Variants in TTC34 observed in about 807,000 individuals in gnomAD.
The protein encoded by TTC34 is tetratricopeptide repeat domain 34.
A neutral mutation model predicts 40.7 loss-of-function variants in TTC34; 44 were observed. The ratio of observed to expected loss-of-function variants is 1.08; its 90% CI spans 0.85 to 1.39. The LOEUF (loss-of-function observed/expected upper bound fraction) is 1.39. Ranked by LOEUF, TTC34 falls within the 40% of genes most tolerant of loss-of-function variation. TTC34 has a pLI of 0.00. For missense variants in TTC34, 884 were observed against 838.0 expected, an observed-to-expected ratio of 1.05 and a Z score of -0.68; for synonymous variants, 422 against 398.6, an observed-to-expected ratio of 1.06 and a Z score of -0.70.
intron 6 of TTC34, among the ~76,000 whole-genome samples, chr1:2,700,424 C>G (rs533526259): frequency 9.3e-6 from 1 of 107,108 alleles, no homozygotes; most frequent in South Asian, 3.0e-4. Flanking sequence ...CCTAGGCGAG[C>G]ATCCGACAGC....
chr1:2,695,116 C>A (rs958925139), intron 6 of TTC34, among the ~76,000 whole-genome samples: 67 of 90,832 alleles, frequency 7.4e-4, no homozygotes, highest in Non-Finnish European at 1.0e-3. Context: ...ACCCATACGC[C>A]AAGATGAGCA....
chr1:2,686,650 G>A (rs1306496279), intron 6 of TTC34, among the ~76,000 whole-genome samples: 2 of 151,630 alleles, frequency 1.3e-5, no homozygotes. Context: ...ACACCCAGGT[G>A]AGCATCTGAC....
chr1:2,651,420 G>A (rs543299674), intron 6 of TTC34, among the ~76,000 whole-genome samples: 7 of 151,668 alleles, frequency 4.6e-5, no homozygotes, highest in Non-Finnish European at 7.4e-5. Context: ...GTGACAATCC[G>A]AAACACAACC....
chr1:2,690,017 AC>A (rs1401341098), intron 6 of TTC34, among the ~76,000 whole-genome samples: 4 of 134,334 alleles, frequency 3.0e-5, no homozygotes, highest in Non-Finnish European at 4.7e-5. Context: ...AGCAGCCTGC[AC>A]CCCCAGGTGC....
intron 6 of TTC34, among the ~76,000 whole-genome samples, chr1:2,760,965 C>T (rs1641669010): frequency 1.5e-4 from 10 of 66,328 alleles, no homozygotes; most frequent in South Asian, 8.1e-4. Flanking sequence ...CGTCCACACC[C>T]CCAGGTGAGC....
intron 6 of TTC34, among the ~76,000 whole-genome samples, chr1:2,675,450 GAGCA>G (rs1639872525): frequency 8.9e-6 from 1 of 112,550 alleles, no homozygotes; most frequent in Non-Finnish European, 2.1e-5. Context: ...ACCCACAGGT[GAGCA>G]TCTGACAGCA....
At position 2,641,718 on chromosome 1, in the gene TTC34, G is replaced by T. The variant is rs1020030936; in HGVS notation, c.2890C>A (p.Leu964Ile). The T allele has an allele frequency of 7.2e-6, 11 of 1,535,538 alleles. No homozygotes were observed. The highest frequency in any genetic ancestry group is 9.6e-6 in the Non-Finnish European group (11 of 1,146,704). Reference sequence around the variant, plus strand: ...TCACCATCCCCCAGCGCCTCCTGGAGCACATGGTCCAGGTCCCTAAGGGCC... The same window carrying T: ...TCACCATCCCCCAGCGCCTCCTGGATCACATGGTCCAGGTCCCTAAGGGCC... The change falls in exon 9 of 9, where the codon CTC becomes ATC. Residue 964 changes from leucine (L) to isoleucine (I), a missense_variant. Leu to Ile is a conservative substitution (Grantham distance 5). Transcript: ENST00000401095.
chr1:2,799,405 T>C (rs1204786814), intron 2 of TTC34, among the ~76,000 whole-genome samples: 1 of 152,108 alleles, frequency 6.6e-6, no homozygotes, highest in Non-Finnish European at 1.5e-5. Context: ...TAGCCAGGCA[T>C]GATGGTGGGT....
chr1:2,768,756 A>G (rs1569750728), intron 6 of TTC34, among the ~76,000 whole-genome samples: 1 of 134,464 alleles, frequency 7.4e-6, no homozygotes, highest in Non-Finnish European at 1.6e-5. Context: ...TGAGCATCTG[A>G]CAGCCTGGAA....
At chr1:2,777,688 TGG>T (rs70956335) in intron 6 of TTC34, among the ~76,000 whole-genome samples, 7,066 of 120,758 alleles carry the variant, frequency 0.059, 706 homozygotes, top group African/African-American at 0.2. Flanking sequence ...GCAGAGGGCA[TGG>T]GGGGGGGGGC....
At chr1:2,686,222 C>G (rs1640337654) in intron 6 of TTC34, among the ~76,000 whole-genome samples, 1 of 148,906 alleles carries the variant, frequency 6.7e-6, no homozygotes, top group Non-Finnish European at 1.5e-5. Context: ...CATCTGACAG[C>G]CTGGAGCAGT....
chr1:2,686,583 C>T (rs1294195929), intron 6 of TTC34, among the ~76,000 whole-genome samples: 1 of 141,526 alleles, frequency 7.1e-6, no homozygotes, highest in Non-Finnish European at 1.5e-5. Context: ...CATCTGACCG[C>T]CTGGAACAGC....
At chr1:2,750,737 G>T (rs1641291901) in intron 6 of TTC34, among the ~76,000 whole-genome samples, 19 of 137,720 alleles carry the variant, frequency 1.4e-4, no homozygotes, top group Non-Finnish European at 2.6e-4. Context: ...CCCCAGGTGA[G>T]CATCTGATGG....
chr1:2,769,831 A>T (rs1456017838), intron 6 of TTC34, among the ~76,000 whole-genome samples: 1 of 62,334 alleles, frequency 1.6e-5, no homozygotes, highest in Non-Finnish European at 3.1e-5. Context: ...AGGCGCCCAC[A>T]ATCCCAGGTT....
chr1:2,683,136 G>T (rs1381837770), intron 6 of TTC34, among the ~76,000 whole-genome samples: 40 of 136,298 alleles, frequency 2.9e-4, no homozygotes, highest in Middle Eastern at 4.6e-3. Context: ...TGACAGCCTG[G>T]AACAGCACGC....
At chr1:2,769,502 C>T (rs1262374927) in intron 6 of TTC34, among the ~76,000 whole-genome samples, 1 of 100,494 alleles carries the variant, frequency 1.0e-5, no homozygotes, top group African/African-American at 4.9e-5. Flanking sequence ...GGAACAGCAC[C>T]CCACACCCCC....
intron 6 of TTC34, among the ~76,000 whole-genome samples, chr1:2,684,015 G>A (rs368003786): frequency 7.6e-6 from 1 of 131,612 alleles, no homozygotes; most frequent in Non-Finnish European, 1.7e-5. Context: ...GCATCTGACA[G>A]CCTGGAACAG....
intron 6 of TTC34, among the ~76,000 whole-genome samples, chr1:2,660,134 GGTC>G: frequency 8.7e-6 from 1 of 114,862 alleles, no homozygotes; most frequent in East Asian, 2.7e-4. Context: ...TGACAGCCTG[GGTC>G]GGCACCCACA....
intron 3 of TTC34, among the ~76,000 whole-genome samples, chr1:2,788,134 C>T (rs1362802703): frequency 1.3e-5 from 2 of 152,360 alleles, no homozygotes; most frequent in Admixed American, 1.3e-4. Flanking sequence ...GAAATGGGGC[C>T]AGATCCTCAA....
Sources: gnomAD v4.1 joint callset for allele counts (sites outside exome capture counted in the v4.1 genomes callset) on GRCh38, gnomAD v4.1.1 for gene constraint, MANE v1.5 for transcripts, NCBI Gene and HGNC (gene_info 2026-07-23, HGNC 2026-07-21) for gene names.